The following SCAF11 variants were observed in gnomAD, a reference collection of about 807,000 sequenced individuals.
The protein encoded by SCAF11 is SR-related CTD associated factor 11.
A neutral mutation model predicts 140.5 loss-of-function variants in SCAF11; 47 were observed. The observed-to-expected ratio is 0.33, with a 90% CI of 0.26 to 0.43. The LOEUF (loss-of-function observed/expected upper bound fraction) is 0.43. Among genes scored for constraint, SCAF11 ranks in the 20% least tolerant of loss-of-function variants. The probability of loss-of-function intolerance (pLI) is 1.00; values close to 1 mark genes in which losing one functional copy is unlikely to be tolerated. For missense variants in SCAF11, 1,645 were observed against 1,705.1 expected (o/e 0.96, Z 0.62); for synonymous variants, 557 against 579.4 (o/e 0.96, Z 0.55).
At chr12:45,964,316 G>C (rs1945891799) in intron 1 of SCAF11, 128 bp from the exon 2 acceptor site, 2 of 575,700 alleles carry the variant, frequency 3.5e-6, no homozygotes, top group Non-Finnish European at 6.1e-6. Flanking sequence ...AAGCCAGTTT[G>C]TGGATAATCC....
intron 1 of SCAF11, among the ~76,000 whole-genome samples, chr12:45,964,422 C>A (rs1357796999): frequency 6.6e-6 from 1 of 152,158 alleles, no homozygotes; most frequent in African/African-American, 2.4e-5. Flanking sequence ...AATCCCAGCA[C>A]TTTGGGAGGC....
chr12:45,948,177 C>G (rs1008388709), intron 5 of SCAF11, among the ~76,000 whole-genome samples: 1 of 152,164 alleles, frequency 6.6e-6, no homozygotes, highest in Non-Finnish European at 1.5e-5. Flanking sequence ...ATGTGATCCT[C>G]TCACCTTAGC....
Position 45,923,141 on chromosome 12 carries a change from G to C in SCAF11, c.3920C>G (p.Ser1307Cys). ...ACTCATGTTATTACTTACATGAGAAGAACTAGGAATACCCTGTTTTAAAGA... is the reference window on the plus strand; with the variant it reads ...ACTCATGTTATTACTTACATGAGAACAACTAGGAATACCCTGTTTTAAAGA... ...DGKQLQGIPS[S>C]SHVSNNMSTP... Residue 1307 changes from serine to cysteine, a missense_variant, in exon 13 of 15, where the codon TCT (serine) becomes TGT (cysteine). By Grantham distance (112) the Ser-to-Cys change is moderately radical. Transcript: ENST00000369367. 1.9e-6 allele frequency: 3 copies of C among 1,613,464 alleles called. No homozygotes were observed. Among genetic ancestry groups the C allele is most frequent in the Non-Finnish European group, 2.5e-6 (3 of 1,179,436 alleles).
chr12:45,927,826 T>C lies in SCAF11; in HGVS notation c.1875A>G (p.Gln625=). Residue 625 remains glutamine, a synonymous_variant, in exon 11 of 15, where the codon CAA becomes CAG. Transcript: ENST00000369367. ...ATTGAACCTCTGGGCTCTTAACAGATTGTCTGTCCACTGTCTGTATAATTT... is the reference window on the plus strand; with the variant it reads ...ATTGAACCTCTGGGCTCTTAACAGACTGTCTGTCCACTGTCTGTATAATTT... ...EGEIIQTVDR[Q]SVKSPEVQLL... 2 of 1,614,028 alleles carry C rather than the reference T, an allele frequency of 1.2e-6. No homozygotes were observed. Among genetic ancestry groups the C allele is most frequent in the South Asian group, 2.2e-5 (2 of 91,062 alleles).
Position 45,928,169 on chromosome 12 carries a change from A to C in SCAF11, c.1532T>G (p.Ile511Ser). 2 of 1,613,972 alleles carry C rather than the reference A, an allele frequency of 1.2e-6. No individual in the cohort carries two copies. Among genetic ancestry groups the C allele is most frequent in the African/African-American group, 1.3e-5 (1 of 75,036 alleles). ...TCCTTTTTCAAGAATATTTTCAGAA[A>C]TCTCACTTTCCAAACACAAAACATT... The part of the protein sequence containing the change: ...EANVLCLESE[I>S]SENILEKGGD... Residue 511 changes from isoleucine (I) to serine (S), a missense_variant, in exon 11 of 15, where the codon ATT becomes AGT. Coordinates refer to ENST00000369367, the MANE Select transcript of SCAF11 (RefSeq NM_004719.3).
rs114544463 is a variant in SCAF11, at chr12:45,950,687, G to A, written c.297+963C>T. On this transcript the variant is annotated intron_variant, in intron 4 of 14. Transcript: ENST00000369367. The stretch of plus-strand genomic sequence containing the variant: ...GTTATACAATTACAACAAGCAAACC[G>A]TTTATTTGAATTGCAGTCCTGTTTG... Among the ~76,000 whole-genome samples the A allele has an allele frequency of 1.2e-3, 182 of 152,188 alleles. 1 individual carries two copies. Among genetic ancestry groups the A allele is most frequent in the African/African-American group, 4.2e-3 (175 of 41,536 alleles).
chr12:45,983,704 A>G (rs1455789213), intron 1 of SCAF11, among the ~76,000 whole-genome samples: 2 of 151,198 alleles, frequency 1.3e-5, no homozygotes, highest in Non-Finnish European at 2.9e-5. Context: ...TAGGACAACC[A>G]GAGTTCAAAA....
chr12:45,950,195 A>G (rs1220509641), intron 4 of SCAF11, among the ~76,000 whole-genome samples: 1 of 152,158 alleles, frequency 6.6e-6, no homozygotes, highest in African/African-American at 2.4e-5. Flanking sequence ...GTAAAATAAG[A>G]TAATAGAGGT....
At chr12:45,936,534 C>T (rs183163352) in intron 6 of SCAF11, among the ~76,000 whole-genome samples, 1 of 152,268 alleles carries the variant, frequency 6.6e-6, no homozygotes, top group East Asian at 1.9e-4. Flanking sequence ...TAGCTAACTA[C>T]AACAAAAGTA....
At chr12:45,946,424 C>T (rs1017881777) in intron 5 of SCAF11, among the ~76,000 whole-genome samples, 1 of 152,174 alleles carries the variant, frequency 6.6e-6, no homozygotes, top group African/African-American at 2.4e-5. Context: ...GATTTTCCAC[C>T]TTGGGAAAAA....
intron 3 of SCAF11, among the ~76,000 whole-genome samples, chr12:45,953,141 A>C (rs998983578): frequency 4.5e-4 from 69 of 152,226 alleles, no homozygotes; most frequent in African/African-American, 1.5e-3. Flanking sequence ...AGACTGGAAG[A>C]AGCCAGTTCA....
At chr12:45,979,000 GC>G (rs1269025689) in intron 1 of SCAF11, among the ~76,000 whole-genome samples, 1 of 151,848 alleles carries the variant, frequency 6.6e-6, no homozygotes. Context: ...CAAGGCATCA[GC>G]AGGTTCAGTG....
At chr12:45,956,059 TCAGA>T (rs1028516567) in intron 3 of SCAF11, 3 of 709,680 alleles carry the variant, frequency 4.2e-6, no homozygotes, top group South Asian at 1.5e-5. Flanking sequence ...AATTCTCAGC[TCAGA>T]CAAACCCACA....
Position 45,921,941 on chromosome 12 carries a change from T to A in SCAF11, c.*107A>T. Reference sequence around the variant, plus strand: ...ATCCTATGTTAAAAAAATAATTTTATCAAAACCAAATTTCAATCACAGTTA... The same window carrying A: ...ATCCTATGTTAAAAAAATAATTTTAACAAAACCAAATTTCAATCACAGTTA... On this transcript the variant is annotated 3_prime_UTR_variant, in exon 15 of 15. Coordinates refer to ENST00000369367, the MANE Select transcript of SCAF11 (RefSeq NM_004719.3). 7.3e-7 allele frequency: 1 copy of A among 1,363,994 alleles called. No individual in the cohort carries two copies. Among genetic ancestry groups the A allele is most frequent in the Middle Eastern group, 1.9e-4 (1 of 5,336 alleles). The allele number at this position is 1,363,994 out of a possible 1,614,324, so 84.5% of individuals were successfully genotyped here.
At chr12:45,971,567 G>C (rs1483750513) in intron 1 of SCAF11, among the ~76,000 whole-genome samples, 1 of 152,094 alleles carries the variant, frequency 6.6e-6, no homozygotes, top group African/African-American at 2.4e-5. Context: ...CTGAAACCTA[G>C]AAAGTAGGCA....
chr12:45,987,246 A>G (rs1332808442), intron 1 of SCAF11, among the ~76,000 whole-genome samples: 2 of 152,210 alleles, frequency 1.3e-5, no homozygotes, highest in Non-Finnish European at 2.9e-5. Flanking sequence ...GAAAGCAAAA[A>G]CAAAACAAAC....
chr12:45,929,994 T>A (rs1945002338), intron 10 of SCAF11: 1 of 152,138 alleles, frequency 6.6e-6, no homozygotes. Flanking sequence ...AACAGTGAAT[T>A]AATATATTTT....
Position 45,990,353 on chromosome 12 carries a change from C to T in SCAF11, c.-22G>A. Reference sequence around the variant, plus strand: ...ACCCCGCGGGTCGACCAGTGTTTACCTCAGACCGAGGTCGAGGCGCTCGGT... The same window carrying T: ...ACCCCGCGGGTCGACCAGTGTTTACTTCAGACCGAGGTCGAGGCGCTCGGT... On this transcript the variant is annotated splice_region_variant and 5_prime_UTR_variant, in exon 1 of 15. Coordinates refer to ENST00000369367, the MANE Select transcript of SCAF11 (RefSeq NM_004719.3). 8.1e-7 allele frequency: 1 copy of T among 1,232,128 alleles called. No homozygotes were observed. Among genetic ancestry groups the T allele is most frequent in the Non-Finnish European group, 1.0e-6 (1 of 988,308 alleles). The allele number at this position is 1,232,128 out of a possible 1,614,324, so 76.3% of individuals were successfully genotyped here.
At chr12:45,937,739 C>G (rs1205662187) in intron 6 of SCAF11, among the ~76,000 whole-genome samples, 1 of 152,186 alleles carries the variant, frequency 6.6e-6, no homozygotes, top group Non-Finnish European at 1.5e-5. Context: ...GAAAAATGCT[C>G]TTAGGTAGAG....
Sources: gnomAD v4.1 joint callset for allele counts (sites outside exome capture counted in the v4.1 genomes callset) on GRCh38, gnomAD v4.1.1 for gene constraint, MANE v1.5 for transcripts, NCBI Gene and HGNC (gene_info 2026-07-23, HGNC 2026-07-21) for gene names.